DKK2: variants seen among roughly 807,000 people sequenced by gnomAD.
DKK2 encodes dickkopf-related protein 2.
Under a neutral mutation model 28.1 loss-of-function variants are expected in DKK2, and 11 were observed. The ratio of observed to expected loss-of-function variants is 0.39; its 90% CI spans 0.25 to 0.65. The LOEUF (loss-of-function observed/expected upper bound fraction) is 0.65, where lower values mean the gene tolerates loss of function less well. Among genes scored for constraint, DKK2 ranks in the 30% least tolerant of loss-of-function variants. The pLI is 0.47. For missense variants in DKK2, 326 were observed against 335.5 expected (o/e 0.97, Z 0.22); for synonymous variants, 135 against 126.5 (o/e 1.07, Z -0.45).
intron 1 of DKK2, among the ~76,000 whole-genome samples, chr4:106,930,683 C>A (rs767606463): frequency 7.2e-5 from 11 of 152,128 alleles, no homozygotes; most frequent in Non-Finnish European, 1.6e-4. Context: ...TTTGTCCCTA[C>A]AAGCACTGTT....
chr4:106,988,159 C>T (rs1025916810), intron 1 of DKK2, among the ~76,000 whole-genome samples: 4 of 152,282 alleles, frequency 2.6e-5, no homozygotes, highest in Non-Finnish European at 4.4e-5. Flanking sequence ...CCACCGCACC[C>T]GGCCCAATGT....
At chr4:106,925,776 T>G in intron 2 of DKK2, 23 bp downstream of exon 2, 12 of 1,593,026 alleles carry the variant, frequency 7.5e-6, no homozygotes, top group Non-Finnish European at 9.4e-6. Flanking sequence ...AGAGGCCCAT[T>G]AACACTTAGT....
intron 1 of DKK2, among the ~76,000 whole-genome samples, chr4:106,977,189 A>G (rs938140487): frequency 6.6e-6 from 1 of 152,126 alleles, no homozygotes; most frequent in Admixed American, 6.5e-5. Context: ...CTTCATTTCA[A>G]TCCTGGTGAA....
intron 1 of DKK2, among the ~76,000 whole-genome samples, chr4:106,937,538 G>A (rs1338061107): frequency 6.7e-6 from 1 of 150,078 alleles, no homozygotes; most frequent in Non-Finnish European, 1.5e-5. Context: ...ACACCCCACT[G>A]TCAACATTAG....
At chr4:107,026,494 T>C (rs1449157236) in intron 1 of DKK2, among the ~76,000 whole-genome samples, 10 of 152,196 alleles carry the variant, frequency 6.6e-5, no homozygotes, top group Admixed American at 5.2e-4. Context: ...CATGAGTTTC[T>C]TTAACAAGTC....
At chr4:107,023,628 G>A (rs891746325) in intron 1 of DKK2, among the ~76,000 whole-genome samples, 3 of 151,908 alleles carry the variant, frequency 2.0e-5, no homozygotes, top group African/African-American at 7.3e-5. Flanking sequence ...CTTGTGTATG[G>A]GTTTTATTAA....
At chr4:106,930,426 C>T (rs980431074) in intron 1 of DKK2, among the ~76,000 whole-genome samples, 5 of 152,098 alleles carry the variant, frequency 3.3e-5, no homozygotes, top group Admixed American at 2.0e-4. Context: ...GTAATCAGAT[C>T]CCTAAGAACA....
chr4:106,965,958 G>T (rs996320963), intron 1 of DKK2, among the ~76,000 whole-genome samples: 1 of 151,402 alleles, frequency 6.6e-6, no homozygotes, highest in East Asian at 1.9e-4. Flanking sequence ...GTATTCCATG[G>T]TGTATATGTG....
chr4:106,964,581 A>G (rs572375562), intron 1 of DKK2, among the ~76,000 whole-genome samples: 2 of 152,216 alleles, frequency 1.3e-5, no homozygotes, highest in Non-Finnish European at 2.9e-5. Flanking sequence ...TGAATTGAGC[A>G]TTATATATTA....
chr4:107,009,850 T>G (rs1487574931), intron 1 of DKK2, among the ~76,000 whole-genome samples: 1 of 151,984 alleles, frequency 6.6e-6, no homozygotes, highest in African/African-American at 2.4e-5. Context: ...TAACAGAGAC[T>G]TTTCTTTAAA....
chr4:106,972,655 A>G (rs1429747645), intron 1 of DKK2, among the ~76,000 whole-genome samples: 3 of 152,136 alleles, frequency 2.0e-5, no homozygotes, highest in Non-Finnish European at 4.4e-5. Flanking sequence ...CACAACTTAT[A>G]TAAAGTTCTT....
chr4:107,010,869 C>T (rs1723506870), intron 1 of DKK2, among the ~76,000 whole-genome samples: 1 of 150,914 alleles, frequency 6.6e-6, no homozygotes, highest in Admixed American at 6.6e-5. Context: ...ATTAAAAACC[C>T]ATAGATATTA....
At chr4:106,934,139 T>G (rs1217640683) in intron 1 of DKK2, among the ~76,000 whole-genome samples, 1 of 151,984 alleles carries the variant, frequency 6.6e-6, no homozygotes, top group African/African-American at 2.4e-5. Flanking sequence ...GCCCAGAAAT[T>G]GTGTAACAGG....
intron 1 of DKK2, 78 bp downstream of exon 1, chr4:107,035,292 T>G: frequency 6.6e-7 from 1 of 1,516,864 alleles, no homozygotes; most frequent in East Asian, 2.3e-5. Flanking sequence ...TGTTGCAAGA[T>G]GCAATGGCAA....
intron 1 of DKK2, among the ~76,000 whole-genome samples, chr4:107,022,136 C>T (rs373215484): frequency 1.3e-5 from 2 of 151,978 alleles, no homozygotes; most frequent in East Asian, 3.9e-4. Context: ...AAAAACTCAT[C>T]AAGTTGTCCA....
chr4:106,987,431 G>A (rs533867318), intron 1 of DKK2, among the ~76,000 whole-genome samples: 30 of 152,138 alleles, frequency 2.0e-4, no homozygotes, highest in Admixed American at 1.7e-3. Flanking sequence ...TAACACCCAC[G>A]TCCCTTTCTT....
intron 1 of DKK2, among the ~76,000 whole-genome samples, chr4:106,956,276 T>C (rs1324871447): frequency 6.6e-6 from 1 of 152,064 alleles, no homozygotes; most frequent in Non-Finnish European, 1.5e-5. Flanking sequence ...GGAAGAACAT[T>C]CCATGCTCAT....
intron 1 of DKK2, among the ~76,000 whole-genome samples, chr4:106,963,342 G>A (rs541672886): frequency 1.5e-3 from 230 of 150,108 alleles, no homozygotes; most frequent in Middle Eastern, 0.01. Flanking sequence ...GACACAGTTA[G>A]ACTCTGTCTA....
chr4:107,008,902 A>G (rs1035934139), intron 1 of DKK2, among the ~76,000 whole-genome samples: 3 of 152,056 alleles, frequency 2.0e-5, no homozygotes, highest in Non-Finnish European at 2.9e-5. Flanking sequence ...AGGCAGAAAT[A>G]TGACATAGAA....
Sources: gnomAD v4.1 joint callset for allele counts (sites outside exome capture counted in the v4.1 genomes callset) on GRCh38, gnomAD v4.1.1 for gene constraint, MANE v1.5 for transcripts, NCBI Gene and HGNC (gene_info 2026-07-23, HGNC 2026-07-21) for gene names.